Variants in MAN2A1 observed in about 807,000 individuals in gnomAD.
The protein encoded by MAN2A1 is alpha-mannosidase 2.
A neutral mutation model predicts 142.6 loss-of-function variants in MAN2A1; 76 were observed. The observed-to-expected ratio is 0.53, with a 90% confidence interval of 0.44 to 0.65. MAN2A1 has a LOEUF of 0.65. MAN2A1 is among the 30% of genes least tolerant of loss of function. The probability of loss-of-function intolerance (pLI) is 0.00; values close to 1 mark genes in which losing one functional copy is unlikely to be tolerated. For missense variants in MAN2A1, 1,311 were observed against 1,365.1 expected (o/e 0.96, Z 0.62); for synonymous variants, 559 against 473.2 (o/e 1.18, Z -2.35).
At chr5:109,836,411 G>A (rs140276397) in intron 16 of MAN2A1, among the ~76,000 whole-genome samples, 9 of 152,142 alleles carry the variant, frequency 5.9e-5, no homozygotes, top group East Asian at 1.9e-4. Flanking sequence ...CCACCGCACC[G>A]GCATGCCCTC....
At chr5:109,776,453 T>C (rs543082445) in intron 8 of MAN2A1, among the ~76,000 whole-genome samples, 2 of 152,110 alleles carry the variant, frequency 1.3e-5, no homozygotes, top group South Asian at 4.1e-4. Flanking sequence ...AAGGGATATA[T>C]ATATGAGTAT....
intron 4 of MAN2A1, among the ~76,000 whole-genome samples, chr5:109,733,337 A>G (rs1751978211): frequency 6.6e-6 from 1 of 152,106 alleles, no homozygotes; most frequent in Non-Finnish European, 1.5e-5. Flanking sequence ...CTCTTTTCCT[A>G]ATTGAATGCC....
intron 3 of MAN2A1, among the ~76,000 whole-genome samples, chr5:109,720,436 G>T (rs1751568865): frequency 6.6e-6 from 1 of 152,086 alleles, no homozygotes; most frequent in Non-Finnish European, 1.5e-5. Flanking sequence ...TGATAATTAT[G>T]TATCCTCTAA....
chr5:109,722,002 G>T (rs986861671), intron 3 of MAN2A1, among the ~76,000 whole-genome samples: 5 of 152,170 alleles, frequency 3.3e-5, no homozygotes, highest in Non-Finnish European at 5.9e-5. Context: ...GGGAGAAGTG[G>T]CAGGAGAGAG....
intron 7 of MAN2A1, among the ~76,000 whole-genome samples, chr5:109,774,552 T>A (rs77354964): frequency 0.054 from 8,211 of 152,042 alleles, 228 homozygotes; most frequent in Non-Finnish European, 0.064. Context: ...AACCTATGAG[T>A]TTTTCCTTCT....
At chr5:109,844,910 A>G (rs1299808537) in intron 17 of MAN2A1, among the ~76,000 whole-genome samples, 1 of 152,178 alleles carries the variant, frequency 6.6e-6, no homozygotes, top group Non-Finnish European at 1.5e-5. Flanking sequence ...GATCACATTC[A>G]TGGGTTGTGG....
intron 4 of MAN2A1, among the ~76,000 whole-genome samples, chr5:109,747,775 C>T (rs1024248600): frequency 6.6e-6 from 1 of 152,016 alleles, no homozygotes; most frequent in Non-Finnish European, 1.5e-5. Context: ...GGAATTGCAC[C>T]AAGGAATCAA....
intron 8 of MAN2A1, among the ~76,000 whole-genome samples, chr5:109,779,685 G>A (rs564836358): frequency 6.6e-6 from 1 of 152,106 alleles, no homozygotes; most frequent in South Asian, 2.1e-4. Flanking sequence ...ATTGCTTAAA[G>A]TACTTTATTT....
chr5:109,772,867 C>CA (rs1230956916), intron 7 of MAN2A1, among the ~76,000 whole-genome samples: 4 of 151,652 alleles, frequency 2.6e-5, no homozygotes, highest in African/African-American at 9.8e-5. Context: ...GTACAGATGG[C>CA]ATCTTTTGAT....
In MAN2A1 at chr5:109,767,632, C is replaced by A. The variant is rs367625663; in HGVS notation, c.933C>A (p.Ile311=). Reference sequence around the variant, plus strand: ...GTGCTGGACTTTCTCACATGCTTATCCAGAGAGTTCATTATGCAGTTAAAA... The same window carrying A: ...GTGCTGGACTTTCTCACATGCTTATACAGAGAGTTCATTATGCAGTTAAAA... ...LNRAGLSHML[I]QRVHYAVKKH... The change falls in exon 6 of 22, where the codon ATC becomes ATA. Residue 311 remains isoleucine, a synonymous_variant. Transcript: ENST00000261483. The A allele has an allele frequency of 2.5e-6, 4 of 1,613,692 alleles. No individual in the cohort carries two copies. Among genetic ancestry groups the A allele is most frequent in the Non-Finnish European group, 8.5e-7 (1 of 1,179,700 alleles).
At chr5:109,731,592 A>G (rs1219507658) in intron 4 of MAN2A1, among the ~76,000 whole-genome samples, 2 of 137,556 alleles carry the variant, frequency 1.5e-5, no homozygotes, top group African/African-American at 5.5e-5. Context: ...ATTCCCACCT[A>G]TGAGTGAGAA....
chr5:109,760,966 C>T (rs2112636039), intron 5 of MAN2A1, among the ~76,000 whole-genome samples: 1 of 151,794 alleles, frequency 6.6e-6, no homozygotes, highest in South Asian at 2.1e-4. Flanking sequence ...AGCACTTTGT[C>T]ACATATATGC....
chr5:109,820,275 G>A lies in MAN2A1; in HGVS notation c.2384G>A (p.Trp795Ter). The change falls in exon 15 of 22, where the codon TGG becomes TAG. Residue 795 changes from tryptophan (W) to a stop codon, truncating the protein, a stop_gained. Coordinates refer to ENST00000261483, the MANE Select transcript of MAN2A1 (RefSeq NM_002372.4). LOFTEE classifies it high-confidence loss of function. ...KHHEVNVQFS[W>*]YGTTIKRDKS... Reference sequence around the variant, plus strand: ...CATGAAGTAAATGTGCAATTTTCATGGTATGGAACCACAATTAAAAGAGAC... The same window carrying A: ...CATGAAGTAAATGTGCAATTTTCATAGTATGGAACCACAATTAAAAGAGAC... 3 of 1,611,402 alleles carry A rather than the reference G, an allele frequency of 1.9e-6. No individual in the cohort carries two copies. Among genetic ancestry groups the A allele is most frequent in the Non-Finnish European group, 2.5e-6 (3 of 1,177,960 alleles).
In MAN2A1 at chr5:109,845,391, A is replaced by G. The variant is rs191735860; in HGVS notation, c.2701-474A>G. On this transcript the variant is annotated intron_variant, in intron 17 of 21. Transcript: ENST00000261483. The stretch of plus-strand genomic sequence containing the variant: ...TAAATATGCATTTGATTTTAACATA[A>G]TATCTTAGAAGATTTGGTGCAGAGA... Among the ~76,000 whole-genome samples the G allele has an allele frequency of 4.3e-4, 65 of 152,308 alleles. 1 individual carries two copies. In the East Asian group the frequency reaches 0.012, roughly 28 times the overall value.
At chr5:109,695,181 ACTGT>A (rs1476211839) in intron 1 of MAN2A1, among the ~76,000 whole-genome samples, 2 of 152,224 alleles carry the variant, frequency 1.3e-5, no homozygotes, top group East Asian at 1.9e-4. Context: ...GATACTCATG[ACTGT>A]CTGTGGTCTG....
intron 10 of MAN2A1, among the ~76,000 whole-genome samples, chr5:109,786,151 G>A (rs1402019005): frequency 6.6e-6 from 1 of 151,888 alleles, no homozygotes; most frequent in African/African-American, 2.4e-5. Flanking sequence ...CCCACCTGTC[G>A]AGGTTGATCT....
At chr5:109,716,021 A>T (rs1473402592) in intron 2 of MAN2A1, 99 bp from the exon 3 acceptor site, 4 of 683,706 alleles carry the variant, frequency 5.9e-6, no homozygotes, top group Non-Finnish European at 6.9e-6. Flanking sequence ...TTTATAAAAT[A>T]CATATGCAGA....
intron 20 of MAN2A1, among the ~76,000 whole-genome samples, chr5:109,861,361 G>A (rs1490992117): frequency 1.3e-5 from 2 of 152,296 alleles, no homozygotes; most frequent in African/African-American, 2.4e-5. Flanking sequence ...CATTGCCAGA[G>A]TAAATCTTGA....
chr5:109,719,186 A>G (rs566380086), intron 3 of MAN2A1, among the ~76,000 whole-genome samples: 2 of 152,176 alleles, frequency 1.3e-5, no homozygotes, highest in Non-Finnish European at 2.9e-5. Context: ...TTGGTATCCT[A>G]GTAACTATAG....
Sources: allele counts gnomAD v4.1 joint callset (sites outside exome capture counted in the v4.1 genomes callset), GRCh38; gene constraint gnomAD v4.1.1; transcripts MANE v1.5; gene names NCBI Gene and HGNC (gene_info 2026-07-23, HGNC 2026-07-21).